The following CSNK2A1 variants were observed in gnomAD, a reference collection of about 807,000 sequenced individuals.
CSNK2A1 encodes casein kinase 2 alpha 1.
A neutral mutation model predicts 62.9 loss-of-function variants in CSNK2A1; 10 were observed. That is an observed-to-expected ratio of 0.16 (90% confidence interval 0.10 to 0.27). The LOEUF (loss-of-function observed/expected upper bound fraction) is 0.27. Ranked by LOEUF, CSNK2A1 falls within the 10% of genes least tolerant of loss-of-function variation. The probability of loss-of-function intolerance (pLI) is 1.00; values close to 1 mark genes in which losing one functional copy is unlikely to be tolerated. For synonymous variants in CSNK2A1, 124 were observed against 167.8 expected, an observed-to-expected ratio of 0.74 and a Z score of 2.02; for missense variants, 160 against 492.0, an observed-to-expected ratio of 0.33 and a Z score of 6.38.
At chr20:504,949 G>C in intron 4 of CSNK2A1, 169 bp downstream of exon 4, 1 of 582,964 alleles carries the variant, frequency 1.7e-6, no homozygotes, top group Non-Finnish European at 2.9e-6. Context: ...TCAGTTTCCC[G>C]ATCTGTCAAA....
chr20:529,139 CTCAGCCTCCCT>C (rs1475750371), intron 1 of CSNK2A1, among the ~76,000 whole-genome samples: 1 of 151,966 alleles, frequency 6.6e-6, no homozygotes, highest in African/African-American at 2.4e-5. Flanking sequence ...TACCTCCCAT[CTCAGCCTCCCT>C]TGTAGCTGGG....
intron 1 of CSNK2A1, among the ~76,000 whole-genome samples, chr20:542,581 C>A (rs1461414666): frequency 6.6e-6 from 1 of 152,140 alleles, no homozygotes; most frequent in Admixed American, 6.5e-5. Context: ...TACAGGCGCG[C>A]GCCACCAAGC....
At chr20:491,690 G>A (rs1568506578) in intron 9 of CSNK2A1, among the ~76,000 whole-genome samples, 1 of 151,604 alleles carries the variant, frequency 6.6e-6, no homozygotes, top group African/African-American at 2.4e-5. Context: ...ACAAAAGGCC[G>A]GGCGTGGTGG....
At chr20:510,902 T>G (rs77755578) in intron 2 of CSNK2A1, among the ~76,000 whole-genome samples, 16 of 151,464 alleles carry the variant, frequency 1.1e-4, no homozygotes, top group Non-Finnish European at 2.1e-4. Context: ...ATTTTTTTTT[T>G]GTAAAGATGG....
intron 4 of CSNK2A1, chr20:504,216 C>G (rs559944531): frequency 6.6e-6 from 1 of 152,272 alleles, no homozygotes; most frequent in African/African-American, 2.4e-5. Context: ...ACAAAACTTA[C>G]TTAGCTATTT....
chr20:485,109 A>AATAATAATAATAATAATATATATATAT (rs2018062321), intron 13 of CSNK2A1, among the ~76,000 whole-genome samples: 2 of 24,666 alleles, frequency 8.1e-5, no homozygotes, highest in African/African-American at 2.9e-4. Context: ...AAAAAAAAAA[A>AATAATAATAATAATAATATATATATAT]ATATATATAT....
intron 1 of CSNK2A1, among the ~76,000 whole-genome samples, chr20:528,730 G>A (rs574176296): frequency 9.2e-5 from 14 of 151,986 alleles, no homozygotes; most frequent in Non-Finnish European, 2.1e-4. Flanking sequence ...CCAACGTGCT[G>A]GGATTATAGG....
intron 2 of CSNK2A1, among the ~76,000 whole-genome samples, chr20:509,517 G>C (rs553252601): frequency 2.6e-5 from 4 of 152,300 alleles, no homozygotes; most frequent in African/African-American, 9.6e-5. Context: ...TTGTGATAAC[G>C]TGAGAAGGAT....
chr20:510,540 T>C (rs2018696932), intron 2 of CSNK2A1, among the ~76,000 whole-genome samples: 1 of 152,060 alleles, frequency 6.6e-6, no homozygotes, highest in South Asian at 2.1e-4. Flanking sequence ...ATGATGCATA[T>C]AATCTACCCT....
rs115653594 is a variant in CSNK2A1 at position 531,911 on chromosome 20, G to T, written c.-226-3862C>A. On this transcript the variant is annotated intron_variant, in intron 1 of 13. Coordinates refer to ENST00000217244, the MANE Select transcript of CSNK2A1 (RefSeq NM_177559.3). ...AACTTTACTTCTGCCTCACATTACT[G>T]CTTAGAAAATAAGAACTTGAATTTC... is the stretch of plus-strand genomic sequence containing the variant. Among the ~76,000 whole-genome samples, 429 of 152,266 alleles carry T rather than the reference G, an allele frequency of 2.8e-3. 5 individuals are homozygous for T. Among genetic ancestry groups the T allele is most frequent in the African/African-American group, 0.01 (419 of 41,562 alleles).
intron 2 of CSNK2A1, among the ~76,000 whole-genome samples, chr20:511,631 GA>G (rs1203305302): frequency 6.6e-6 from 1 of 152,070 alleles, no homozygotes; most frequent in East Asian, 1.9e-4. Flanking sequence ...CTTCAAGGCT[GA>G]TCCATGTTGT....
intron 2 of CSNK2A1, among the ~76,000 whole-genome samples, chr20:523,764 G>A (rs561600262): frequency 2.9e-4 from 43 of 148,740 alleles, no homozygotes; most frequent in African/African-American, 1.0e-3. Context: ...GGTGGTGGGC[G>A]CCTGTAGTCC....
intron 2 of CSNK2A1, among the ~76,000 whole-genome samples, chr20:512,429 G>GA (rs2018741752): frequency 6.6e-6 from 1 of 151,946 alleles, no homozygotes; most frequent in Admixed American, 6.6e-5. Context: ...TAACTATACT[G>GA]TTTTTTTGTT....
chr20:488,000 T>C (rs993766245), intron 11 of CSNK2A1: 3 of 205,780 alleles, frequency 1.5e-5, no homozygotes, highest in East Asian at 2.3e-4. Flanking sequence ...AAGTACTATA[T>C]CTAGTCACTA....
chr20:499,723 G>C lies in CSNK2A1; in HGVS notation c.315+110C>G. On this transcript the variant is annotated intron_variant, in intron 5 of 13. Coordinates refer to ENST00000217244, the MANE Select transcript of CSNK2A1 (RefSeq NM_177559.3). This position sits in a 1 kb window ranked among gnomAD's most constrained non-coding sequence, Gnocchi z 4.2. ...GTATATCTGATTAAGCACTTTCAAA[G>C]CAGGACTTAATGATGAGGGTTGGGG... 2.0e-6 allele frequency: 2 copies of C among 1,000,732 alleles called. No individual in the cohort carries two copies. Among genetic ancestry groups the C allele is most frequent in the Non-Finnish European group, 3.1e-6 (2 of 642,974 alleles). 62.0% of individuals were successfully genotyped at this position (1,000,732 alleles called of 1,614,324 possible).
At chr20:533,846 T>C (rs2019260668) in intron 1 of CSNK2A1, among the ~76,000 whole-genome samples, 1 of 152,196 alleles carries the variant, frequency 6.6e-6, no homozygotes, top group Admixed American at 6.5e-5. Context: ...AGCAGTTTGA[T>C]TTGGATTAAT....
intron 9 of CSNK2A1, 57 bp downstream of exon 9, chr20:492,197 T>A: frequency 2.1e-6 from 3 of 1,452,512 alleles, no homozygotes; most frequent in Non-Finnish European, 2.8e-6. Context: ...TTTTTTTTGG[T>A]AAATTATGTG....
intron 4 of CSNK2A1, chr20:502,500 G>C (rs183130367): frequency 6.6e-6 from 1 of 152,148 alleles, no homozygotes; most frequent in Non-Finnish European, 1.5e-5. Flanking sequence ...ACTCAGGCCC[G>C]AATTTAATGC....
chr20:543,718 C>G lies in CSNK2A1; in HGVS notation c.-273G>C. ...CGGCGGCCGCTCTCCCCTCTGCTCACACAGACAATATGGCGGCGATGGAGG... is the reference window on the plus strand; with the variant it reads ...CGGCGGCCGCTCTCCCCTCTGCTCAGACAGACAATATGGCGGCGATGGAGG... On this transcript the variant is annotated 5_prime_UTR_variant, in exon 1 of 14. Coordinates refer to ENST00000217244, the MANE Select transcript of CSNK2A1 (RefSeq NM_177559.3). 2.5e-6 allele frequency: 1 copy of G among 398,438 alleles called. No individual in the cohort carries two copies. Among genetic ancestry groups the G allele is most frequent in the Non-Finnish European group, 4.4e-6 (1 of 226,006 alleles). The allele number at this position is 398,438 out of a possible 1,614,324, so 24.7% of individuals were successfully genotyped here.
Sources: allele counts gnomAD v4.1 joint callset (sites outside exome capture counted in the v4.1 genomes callset), GRCh38; gene constraint gnomAD v4.1.1; non-coding constraint Gnocchi (gnomAD v3.1); transcripts MANE v1.5; gene names NCBI Gene and HGNC (gene_info 2026-07-23, HGNC 2026-07-21).